The following USP18 variants were observed in gnomAD, a reference collection of about 807,000 sequenced individuals.
USP18 encodes the protein ubiquitin specific peptidase 18, also known as ubl carboxyl-terminal hydrolase 18.
USP18 carries 11 observed loss-of-function variants against 48.7 expected under a neutral mutation model. That is an observed-to-expected ratio of 0.23 (90% CI 0.14 to 0.37). USP18 has a LOEUF of 0.37. Among genes scored for constraint, USP18 ranks in the 10% least tolerant of loss-of-function variants. The probability of loss-of-function intolerance (pLI) is 1.00; values close to 1 mark genes in which losing one functional copy is unlikely to be tolerated. For synonymous variants in USP18, 114 were observed against 163.2 expected (o/e 0.70, Z 2.30); for missense variants, 285 against 436.4 (o/e 0.65, Z 3.09).
chr22:18,162,936 C>G (rs1449077846), intron 4 of USP18, among the ~76,000 whole-genome samples: 1 of 151,072 alleles, frequency 6.6e-6, no homozygotes, highest in African/African-American at 2.4e-5. Flanking sequence ...TTGATGTCCC[C>G]TAACTCTCTT....
At chr22:18,150,719 A>G (rs1302895239) in intron 1 of USP18, among the ~76,000 whole-genome samples, 3 of 152,216 alleles carry the variant, frequency 2.0e-5, no homozygotes, top group Admixed American at 1.3e-4. Context: ...TAATCCCAGC[A>G]CTTTGGGAGA....
intron 10 of USP18, among the ~76,000 whole-genome samples, chr22:18,175,451 C>T (rs1929759583): frequency 6.7e-6 from 1 of 149,178 alleles, no homozygotes; most frequent in South Asian, 2.1e-4. Context: ...TCTGAACATC[C>T]ATCTTAGACA....
chr22:18,155,774 A>T (rs1929115554), intron 1 of USP18, among the ~76,000 whole-genome samples: 1 of 152,186 alleles, frequency 6.6e-6, no homozygotes, highest in African/African-American at 2.4e-5. Context: ...CCCACCCCGC[A>T]GCCATGGGCT....
At chr22:18,160,503 C>T (rs983037774) in intron 3 of USP18, among the ~76,000 whole-genome samples, 19 of 151,752 alleles carry the variant, frequency 1.3e-4, no homozygotes, top group South Asian at 4.2e-4. Context: ...GGGGTTTCAC[C>T]GTGTTAGCCA....
At chr22:18,174,007 C>T (rs1449273892) in intron 10 of USP18, among the ~76,000 whole-genome samples, 165 bp downstream of exon 10, 2 of 152,014 alleles carry the variant, frequency 1.3e-5, no homozygotes, top group Non-Finnish European at 2.9e-5. Context: ...ACACGTCACA[C>T]TCCAGGAATA....
At chr22:18,172,144 T>A (rs1444530248) in intron 8 of USP18, among the ~76,000 whole-genome samples, 3 of 152,178 alleles carry the variant, frequency 2.0e-5, no homozygotes, top group Non-Finnish European at 1.5e-5. Context: ...TACAAATAGA[T>A]ACCAAAGTGT....
intron 4 of USP18, 38 bp downstream of exon 4, chr22:18,161,973 C>T (rs201735805): frequency 3.9e-4 from 622 of 1,580,484 alleles, no homozygotes; most frequent in Admixed American, 5.1e-4. Context: ...GCTGCTGATC[C>T]AAAGGGGATG....
chr22:18,157,412 C>T lies in USP18; in HGVS notation c.-106-146C>T, dbSNP rs1929190486. On this transcript the variant is annotated intron_variant, in intron 1 of 10. Coordinates refer to ENST00000215794, the MANE Select transcript of USP18 (RefSeq NM_017414.4). ...CCAGGTTAGGGGATGTGTAGCCTAG[C>T]TGTCATTTCCAGCCTAGAGCTCTAT... 6.7e-6 allele frequency: 3 copies of T among 446,192 alleles called. No homozygotes were observed. The East Asian group carries it at 1.3e-4, about 19-fold the overall frequency. 27.6% of individuals were successfully genotyped at this position (446,192 alleles called of 1,614,324 possible).
At chr22:18,171,843 T>G (rs1450000257) in intron 8 of USP18, among the ~76,000 whole-genome samples, 1 of 152,200 alleles carries the variant, frequency 6.6e-6, no homozygotes, top group Non-Finnish European at 1.5e-5. Context: ...TAGCTCCTAT[T>G]ATAACATGAT....
chr22:18,174,906 T>TG (rs1375386101), intron 10 of USP18, among the ~76,000 whole-genome samples: 19 of 151,978 alleles, frequency 1.3e-4, no homozygotes, highest in East Asian at 3.9e-4. Context: ...TCACACTGTT[T>TG]TTTTGTTTGT....
intron 1 of USP18, among the ~76,000 whole-genome samples, chr22:18,151,836 C>T (rs1929006727): frequency 6.6e-6 from 1 of 152,150 alleles, no homozygotes; most frequent in Non-Finnish European, 1.5e-5. Context: ...GCAGGTGGAT[C>T]ACGAGGTCAG....
intron 2 of USP18, among the ~76,000 whole-genome samples, chr22:18,159,051 G>A (rs1208516433): frequency 1.3e-5 from 2 of 151,658 alleles, no homozygotes; most frequent in Non-Finnish European, 2.9e-5. Flanking sequence ...TCTTGTTATC[G>A]AACTTTTTGT....
rs1929682546 is a variant in USP18 at position 18,173,136 on chromosome 22, C to A, written c.892-14C>A. 1 of 1,581,710 alleles carries A rather than the reference C, an allele frequency of 6.3e-7. No individual in the cohort carries two copies. The highest frequency in any genetic ancestry group is 8.6e-7 in the Non-Finnish European group (1 of 1,165,756). On this transcript the variant is annotated splice_polypyrimidine_tract_variant and intron_variant, in intron 8 of 10. Transcript: ENST00000215794. ...TGGTGGTGGGTGAACTGTCTCGTGC[C>A]TGTCTCTTTCCAGTCTGGAGGGCAG...
At position 18,161,890 on chromosome 22, in the gene USP18, C is replaced by A. The variant is rs187908474; in HGVS notation, c.355C>A (p.Arg119=). 2 of 1,614,004 alleles carry A rather than the reference C, an allele frequency of 1.2e-6. No homozygotes were observed. The highest frequency in any genetic ancestry group is 1.7e-6 in the Non-Finnish European group (2 of 1,179,972). Residue 119 remains arginine, a synonymous_variant, in exon 4 of 11, where the codon CGG becomes AGG. Transcript: ENST00000215794. The part of the protein sequence containing the change: ...KMQDSRQKAV[R]PLELAYCLQK... ...GCAGGACAGCCGGCAGAAAGCAGTG[C>A]GGCCCCTGGAGCTGGCCTACTGCCT... is the stretch of plus-strand genomic sequence containing the variant.
At chr22:18,153,790 C>T (rs930114488) in intron 1 of USP18, among the ~76,000 whole-genome samples, 32 of 152,016 alleles carry the variant, frequency 2.1e-4, no homozygotes, top group African/African-American at 7.7e-4. Flanking sequence ...TGAGCTTTCA[C>T]ATATGAGTGT....
At chr22:18,164,615 C>T (rs1156416416) in intron 4 of USP18, among the ~76,000 whole-genome samples, 2 of 151,950 alleles carry the variant, frequency 1.3e-5, no homozygotes, top group Non-Finnish European at 2.9e-5. Flanking sequence ...ATCCCTCGGG[C>T]AACAGCTAGG....
At chr22:18,172,867 C>A (rs900154609) in intron 8 of USP18, among the ~76,000 whole-genome samples, 2 of 150,002 alleles carry the variant, frequency 1.3e-5, no homozygotes, top group African/African-American at 4.9e-5. Context: ...TGATCCCCAC[C>A]CCTCCCAGGG....
chr22:18,172,312 A>G (rs1473255250), intron 8 of USP18, among the ~76,000 whole-genome samples: 2 of 152,178 alleles, frequency 1.3e-5, no homozygotes, highest in Non-Finnish European at 2.9e-5. Flanking sequence ...TTCATTTATA[A>G]ACACTTCATT....
chr22:18,173,487 T>G (rs1437988833), intron 9 of USP18, among the ~76,000 whole-genome samples: 1 of 152,278 alleles, frequency 6.6e-6, no homozygotes, highest in Admixed American at 6.5e-5. Context: ...TCACTTCACT[T>G]CTAAGTTTTT....
Sources: gnomAD v4.1 joint callset for allele counts (sites outside exome capture counted in the v4.1 genomes callset) on GRCh38, gnomAD v4.1.1 for gene constraint, MANE v1.5 for transcripts, NCBI Gene and HGNC (gene_info 2026-07-23, HGNC 2026-07-21) for gene names.